CDH18: variants seen among roughly 807,000 people sequenced by gnomAD.
The protein encoded by CDH18 is cadherin 18.
A neutral mutation model predicts 67.9 loss-of-function variants in CDH18; 31 were observed. That is an observed-to-expected ratio of 0.46 (90% CI 0.34 to 0.62). CDH18 has a LOEUF of 0.62. Among genes scored for constraint, CDH18 ranks in the 20% least tolerant of loss-of-function variants. The pLI is 0.01. For missense variants in CDH18, 890 were observed against 975.5 expected (o/e 0.91, Z 1.17); for synonymous variants, 362 against 347.2 (o/e 1.04, Z -0.48).
intron 10 of CDH18, among the ~76,000 whole-genome samples, chr5:19,518,619 G>A (rs1241466726): frequency 6.6e-6 from 1 of 152,098 alleles, no homozygotes; most frequent in Non-Finnish European, 1.5e-5. Flanking sequence ...GATCCTTCCT[G>A]ACCTTGAACA....
chr5:20,050,260 T>C (rs965739208), intron 2 of CDH18, among the ~76,000 whole-genome samples: 1 of 151,872 alleles, frequency 6.6e-6, no homozygotes, highest in African/African-American at 2.4e-5. Flanking sequence ...TTTTTTAAAA[T>C]GCCTAATAGT....
intron 11 of CDH18, among the ~76,000 whole-genome samples, chr5:19,499,440 A>G (rs1163256723): frequency 6.6e-6 from 1 of 151,998 alleles, no homozygotes; most frequent in Non-Finnish European, 1.5e-5. Context: ...TTAAAATTAA[A>G]ATTTCTGAAC....
intron 2 of CDH18, among the ~76,000 whole-genome samples, chr5:19,968,163 T>G (rs1797651898): frequency 6.6e-6 from 1 of 152,046 alleles, no homozygotes; most frequent in South Asian, 2.1e-4. Context: ...CAAGGATAAC[T>G]ACAAACCACT....
chr5:20,078,880 T>C (rs1026409613), intron 2 of CDH18, among the ~76,000 whole-genome samples: 3 of 152,206 alleles, frequency 2.0e-5, no homozygotes, highest in Non-Finnish European at 4.4e-5. Flanking sequence ...CCTCCCAAAG[T>C]GCTGGGATTA....
At chr5:19,972,806 C>T (rs1297942680) in intron 2 of CDH18, among the ~76,000 whole-genome samples, 1 of 151,722 alleles carries the variant, frequency 6.6e-6, no homozygotes, top group Non-Finnish European at 1.5e-5. Flanking sequence ...ATATGTTCTC[C>T]AAAAGTCAAA....
intron 2 of CDH18, among the ~76,000 whole-genome samples, chr5:20,253,683 C>T (rs570030772): frequency 6.6e-6 from 1 of 152,278 alleles, no homozygotes; most frequent in South Asian, 2.1e-4. Flanking sequence ...GGAATTAACT[C>T]AGTCAGACAA....
chr5:20,221,319 A>G (rs912286532), intron 2 of CDH18, among the ~76,000 whole-genome samples: 2 of 152,114 alleles, frequency 1.3e-5, no homozygotes, highest in Non-Finnish European at 2.9e-5. Flanking sequence ...AACTACATGG[A>G]TAGAACTGGA....
rs150645125 is a variant in CDH18 at position 19,703,674 on chromosome 5, G to A, written c.643+17673C>T. ...GGAATTTAGCAAGCTAGAAGAGAGG[G>A]TGATATAGAGGCTTGGCAGTTCCCC... On this transcript the variant is annotated intron_variant, in intron 5 of 12. Transcript: ENST00000382275. Among the ~76,000 whole-genome samples, 1,057 of 152,190 alleles carry A rather than the reference G, an allele frequency of 6.9e-3. 11 individuals are homozygous for A. The highest frequency in any genetic ancestry group is 0.024 in the African/African-American group (997 of 41,520).
At chr5:20,199,661 G>A (rs1046387906) in intron 2 of CDH18, among the ~76,000 whole-genome samples, 6 of 152,078 alleles carry the variant, frequency 3.9e-5, no homozygotes, top group Admixed American at 2.6e-4. Context: ...CATGAGATTT[G>A]GGAGGGTCCA....
rs1311035261 is a variant in CDH18, at chr5:19,752,280, C to T, written c.229-5044G>A. 5.3e-5 allele frequency among the ~76,000 whole-genome samples: 8 copies of T among 151,984 alleles called. No homozygotes were observed. The South Asian group carries it at 8.3e-4, about 16-fold the overall frequency. On this transcript the variant is annotated intron_variant, in intron 3 of 12. Transcript: ENST00000382275. ...TGCAACTGGGAAGCGGGTTAGCCGGCGGTAAGTCCTCAGCCCTGCTTGCCC... is the reference window on the plus strand; with the variant it reads ...TGCAACTGGGAAGCGGGTTAGCCGGTGGTAAGTCCTCAGCCCTGCTTGCCC...
At chr5:20,546,826 A>G (rs1561117964) in intron 1 of CDH18, among the ~76,000 whole-genome samples, 1 of 151,866 alleles carries the variant, frequency 6.6e-6, no homozygotes, top group South Asian at 2.1e-4. Flanking sequence ...CTTTCAACCA[A>G]GCATACTGAA....
chr5:20,572,714 A>G (rs1758881655), intron 1 of CDH18, among the ~76,000 whole-genome samples: 1 of 152,108 alleles, frequency 6.6e-6, no homozygotes, highest in South Asian at 2.1e-4. Context: ...AGAGCCCCCT[A>G]ATGGCTCAGA....
intron 1 of CDH18, among the ~76,000 whole-genome samples, chr5:20,550,171 C>G (rs1356588722): frequency 6.6e-6 from 1 of 152,078 alleles, no homozygotes; most frequent in Admixed American, 6.6e-5. Flanking sequence ...AAGGATCTGG[C>G]TATTGTTAAT....
intron 1 of CDH18, among the ~76,000 whole-genome samples, chr5:20,471,519 C>T (rs77494487): frequency 0.055 from 8,311 of 151,852 alleles, 748 homozygotes; most frequent in African/African-American, 0.19. Context: ...TTTTACAAAG[C>T]GGCAGGGCAC....
chr5:20,501,470 ATTATATACATATTATATATATT>A (rs1754250010), intron 1 of CDH18, among the ~76,000 whole-genome samples: 1 of 93,466 alleles, frequency 1.1e-5, no homozygotes, highest in African/African-American at 3.9e-5. Context: ...TATTATATAT[ATTATATACATATTATATATATT>A]TTATATACAT....
rs900711504 is a variant in CDH18, at chr5:20,491,975, ATATG to A, written c.-580+83483_-580+83486del. Among the ~76,000 whole-genome samples the A allele has an allele frequency of 5.3e-5, 8 of 152,130 alleles. No individual in the cohort carries two copies. The South Asian group carries it at 1.5e-3, about 28-fold the overall frequency. On this transcript the variant is annotated intron_variant, in intron 1 of 14. Transcript: ENST00000507958. The stretch of plus-strand genomic sequence containing the variant: ...TCTAATTTAATTTTTACTTTTAATA[ATATG>A]TTTTATTTTATTCAATATAATACAG...
At chr5:20,420,094 G>C (rs141188324) in intron 1 of CDH18, among the ~76,000 whole-genome samples, 2 of 151,090 alleles carry the variant, frequency 1.3e-5, no homozygotes, top group Non-Finnish European at 2.9e-5. Context: ...TGTGAGCCTG[G>C]AGACTCTGCT....
chr5:20,291,270 T>C (rs1373340460), intron 1 of CDH18, among the ~76,000 whole-genome samples: 1 of 152,122 alleles, frequency 6.6e-6, no homozygotes, highest in Non-Finnish European at 1.5e-5. Context: ...TAGATGATAG[T>C]TGATCCCATA....
intron 2 of CDH18, among the ~76,000 whole-genome samples, chr5:20,165,553 G>T (rs1036543516): frequency 6.6e-6 from 1 of 151,936 alleles, no homozygotes; most frequent in South Asian, 2.1e-4. Flanking sequence ...TTTAGGAGAG[G>T]ATGCATATAT....
Sources: gnomAD v4.1 joint callset for allele counts (sites outside exome capture counted in the v4.1 genomes callset) on GRCh38, gnomAD v4.1.1 for gene constraint, MANE v1.5 for transcripts, NCBI Gene and HGNC (gene_info 2026-07-23, HGNC 2026-07-21) for gene names.